Variants in MCTP1 observed in about 807,000 individuals in gnomAD.
MCTP1 encodes multiple C2 and transmembrane domain-containing protein 1.
MCTP1 carries 69 observed loss-of-function variants against 120.6 expected under a neutral mutation model. The ratio of observed to expected loss-of-function variants is 0.57; its 90% CI spans 0.47 to 0.70. The LOEUF is 0.70. Ranked by LOEUF, MCTP1 falls within the 30% of genes least tolerant of loss-of-function variation. MCTP1 has a pLI of 0.00. For synonymous variants in MCTP1, 529 were observed against 493.1 expected, an observed-to-expected ratio of 1.07 and a Z score of -0.96; for missense variants, 1,203 against 1,248.8, an observed-to-expected ratio of 0.96 and a Z score of 0.55.
intron 17 of MCTP1, among the ~76,000 whole-genome samples, chr5:94,853,344 T>C (rs1245480621): frequency 2.6e-5 from 4 of 151,966 alleles, no homozygotes; most frequent in African/African-American, 9.7e-5. Context: ...TTCCAGAGAA[T>C]GGACAGTGGC....
At chr5:95,146,972 T>C (rs331564) in intron 1 of MCTP1, among the ~76,000 whole-genome samples, 43,506 of 152,112 alleles carry the variant, frequency 0.29, 6,705 homozygotes, top group East Asian at 0.6. Context: ...ATCAGTGGGG[T>C]GTTCAAGTCC....
At chr5:95,114,661 G>A (rs555987202) in intron 1 of MCTP1, among the ~76,000 whole-genome samples, 1 of 152,362 alleles carries the variant, frequency 6.6e-6, no homozygotes, top group East Asian at 1.9e-4. Flanking sequence ...AAACCATGTA[G>A]ACATCTAAGG....
intron 1 of MCTP1, among the ~76,000 whole-genome samples, chr5:95,128,920 A>C (rs1758828830): frequency 6.6e-6 from 1 of 152,258 alleles, no homozygotes. Flanking sequence ...CCTAAGTGGC[A>C]ACCTGGGGAA....
chr5:95,209,827 C>A (rs529575657), intron 1 of MCTP1, among the ~76,000 whole-genome samples: 166 of 152,162 alleles, frequency 1.1e-3, no homozygotes, highest in Non-Finnish European at 2.2e-3. Context: ...AAATTTCCCT[C>A]TACACACTGC....
chr5:94,934,821 C>A (rs1467389687), intron 5 of MCTP1, among the ~76,000 whole-genome samples: 1 of 148,334 alleles, frequency 6.7e-6, no homozygotes, highest in Non-Finnish European at 1.5e-5. Context: ...TAGCCTTAGG[C>A]AAGCAATTTG....
At chr5:95,047,809 C>T (rs1431145824) in intron 1 of MCTP1, among the ~76,000 whole-genome samples, 2 of 152,110 alleles carry the variant, frequency 1.3e-5, no homozygotes, top group African/African-American at 2.4e-5. Context: ...TCCATCTACA[C>T]ACCCACCCAC....
At chr5:94,814,122 C>A (rs950755538) in intron 17 of MCTP1, among the ~76,000 whole-genome samples, 1 of 152,106 alleles carries the variant, frequency 6.6e-6, no homozygotes, top group Non-Finnish European at 1.5e-5. Context: ...CCAGTGAATT[C>A]TGTACTCAAA....
intron 19 of MCTP1, among the ~76,000 whole-genome samples, chr5:94,758,810 C>G (rs2152837025): frequency 6.6e-6 from 1 of 152,168 alleles, no homozygotes; most frequent in Admixed American, 6.5e-5. Flanking sequence ...GGAGAAAAGT[C>G]TGCACAATAT....
chr5:94,846,653 C>T (rs1412997898), intron 17 of MCTP1, among the ~76,000 whole-genome samples: 2 of 152,076 alleles, frequency 1.3e-5, no homozygotes, highest in Non-Finnish European at 2.9e-5. Context: ...TAAACATAAA[C>T]GTTTTTTAAA....
intron 10 of MCTP1, among the ~76,000 whole-genome samples, chr5:94,903,156 A>T (rs1012664980): frequency 6.6e-6 from 1 of 151,990 alleles, no homozygotes; most frequent in African/African-American, 2.4e-5. Context: ...TAGTAAAAAA[A>T]AATAGTAAAA....
chr5:95,068,905 T>C (rs1350954411), intron 1 of MCTP1: 2 of 788,204 alleles, frequency 2.5e-6, no homozygotes, highest in Admixed American at 4.4e-5. Context: ...TAGTTTTTTA[T>C]AGCTAAAAGC....
intron 2 of MCTP1, among the ~76,000 whole-genome samples, chr5:94,985,521 T>C (rs998948951): frequency 6.6e-6 from 1 of 152,186 alleles, no homozygotes; most frequent in Non-Finnish European, 1.5e-5. Flanking sequence ...CACAGATCTA[T>C]GAATACTGCC....
intron 1 of MCTP1, among the ~76,000 whole-genome samples, chr5:95,142,292 G>A (rs547701718): frequency 6.6e-6 from 1 of 152,218 alleles, no homozygotes; most frequent in East Asian, 1.9e-4. Context: ...AAGAAGTGTG[G>A]CTTATGATAC....
chr5:94,788,515 T>C (rs255351), intron 18 of MCTP1, among the ~76,000 whole-genome samples: 110,681 of 151,984 alleles, frequency 0.73, 40,732 homozygotes, highest in Middle Eastern at 0.81. Flanking sequence ...GTCACCTTTC[T>C]GAACCAAGGA....
At chr5:94,925,691 G>A (rs1222600740) in intron 6 of MCTP1, among the ~76,000 whole-genome samples, 1 of 152,222 alleles carries the variant, frequency 6.6e-6, no homozygotes, top group Non-Finnish European at 1.5e-5. Context: ...TTACAGGCGT[G>A]AGCCACTGCG....
At chr5:94,949,352 C>T (rs953496950) in intron 3 of MCTP1, among the ~76,000 whole-genome samples, 2 of 152,066 alleles carry the variant, frequency 1.3e-5, no homozygotes, top group Non-Finnish European at 2.9e-5. Flanking sequence ...AAAGTGGCTC[C>T]TGTCTCAACT....
chr5:94,953,134 C>T, intron 3 of MCTP1, 85 bp downstream of exon 3: 1 of 1,271,772 alleles, frequency 7.9e-7, no homozygotes, highest in East Asian at 2.5e-5. Flanking sequence ...TGAAAACTCT[C>T]ATCAGACAAA....
intron 1 of MCTP1, among the ~76,000 whole-genome samples, chr5:95,196,271 C>G (rs560576763): frequency 2.6e-5 from 4 of 152,284 alleles, no homozygotes; most frequent in East Asian, 3.9e-4. Context: ...TTAACAGCAG[C>G]TATCATTTCA....
At chr5:94,759,563 C>T (rs367911944) in intron 19 of MCTP1, among the ~76,000 whole-genome samples, 4 of 152,254 alleles carry the variant, frequency 2.6e-5, no homozygotes, top group East Asian at 3.9e-4. Flanking sequence ...CGACATCTTA[C>T]GTCTAAAACA....
Sources: gnomAD v4.1 joint callset for allele counts (sites outside exome capture counted in the v4.1 genomes callset) on GRCh38, gnomAD v4.1.1 for gene constraint, MANE v1.5 for transcripts, NCBI Gene and HGNC (gene_info 2026-07-23, HGNC 2026-07-21) for gene names.